POLN: variants seen among roughly 807,000 people sequenced by gnomAD.
The protein encoded by POLN is DNA polymerase nu.
POLN carries 108 observed loss-of-function variants against 113.5 expected under a neutral mutation model. The ratio of observed to expected loss-of-function variants is 0.95; its 90% CI spans 0.81 to 1.12. POLN has a LOEUF of 1.12. Ranked by LOEUF, POLN falls within the 50% of genes most tolerant of loss-of-function variation. The probability of loss-of-function intolerance (pLI) is 0.00; values close to 1 mark genes in which losing one functional copy is unlikely to be tolerated. For synonymous variants in POLN, 386 were observed against 391.5 expected, an observed-to-expected ratio of 0.99 and a Z score of 0.17; for missense variants, 1,097 against 1,077.1, an observed-to-expected ratio of 1.02 and a Z score of -0.26.
At chr4:2,129,074 AAAG>A in intron 18 of POLN, 102 bp downstream of exon 18, 37 of 821,322 alleles carry the variant, frequency 4.5e-5, no homozygotes, top group South Asian at 2.2e-4. Context: ...AAAAAAAAAA[AAAG>A]AATTTATTTG....
chr4:2,135,361 C>T (rs1731829041), intron 16 of POLN, among the ~76,000 whole-genome samples: 1 of 152,154 alleles, frequency 6.6e-6, no homozygotes, highest in Non-Finnish European at 1.5e-5. Flanking sequence ...GATATCAGCC[C>T]GTGCCAAGCT....
intron 7 of POLN, among the ~76,000 whole-genome samples, chr4:2,181,522 T>A (rs1417080805): frequency 7.2e-6 from 1 of 138,052 alleles, no homozygotes; most frequent in Non-Finnish European, 1.5e-5. Context: ...AATAAAATTT[T>A]AAAAAATCTA....
chr4:2,080,336 G>A (rs1273089048), intron 23 of POLN: 42 of 1,003,878 alleles, frequency 4.2e-5, no homozygotes, highest in Non-Finnish European at 4.7e-5. Context: ...AGGCCTGAGA[G>A]AGCTGTGGCC....
intron 4 of POLN, among the ~76,000 whole-genome samples, chr4:2,211,946 G>T (rs1391685901): frequency 6.6e-6 from 1 of 152,078 alleles, no homozygotes; most frequent in African/African-American, 2.4e-5. Context: ...TTCATTTACA[G>T]AGGGAAGAAG....
intron 7 of POLN, among the ~76,000 whole-genome samples, chr4:2,190,116 A>G (rs758279355): frequency 3.9e-5 from 6 of 152,142 alleles, no homozygotes; most frequent in Non-Finnish European, 8.8e-5. Context: ...ATGAGCAAAA[A>G]CAACAAAGCT....
At chr4:2,239,738 C>T (rs1734902450) in intron 2 of POLN, among the ~76,000 whole-genome samples, 1 of 152,176 alleles carries the variant, frequency 6.6e-6, no homozygotes, top group Non-Finnish European at 1.5e-5. Context: ...AAAAGAAAAT[C>T]TCAGTCCAGT....
At chr4:2,214,745 A>G (rs1012438822) in intron 3 of POLN, among the ~76,000 whole-genome samples, 13 of 152,102 alleles carry the variant, frequency 8.5e-5, no homozygotes, top group African/African-American at 2.4e-4. Context: ...GGGTGGAGAA[A>G]GTGACCCACA....
At chr4:2,080,709 G>A in intron 23 of POLN, 11 of 1,393,112 alleles carry the variant, frequency 7.9e-6, no homozygotes, top group Non-Finnish European at 1.0e-5. Context: ...CCGAGGAGGA[G>A]GGGTCTGGGG....
chr4:2,146,737 A>C (rs1023477913), intron 16 of POLN, among the ~76,000 whole-genome samples: 1 of 152,202 alleles, frequency 6.6e-6, no homozygotes, highest in African/African-American at 2.4e-5. Flanking sequence ...CAGGCCAAGA[A>C]AGCTGGGCTT....
chr4:2,214,146 G>T (rs1450581034), intron 3 of POLN, among the ~76,000 whole-genome samples: 1 of 152,114 alleles, frequency 6.6e-6, no homozygotes, highest in African/African-American at 2.4e-5. Flanking sequence ...TGAGGCAGGA[G>T]AATTGCTTGA....
chr4:2,205,067 A>ATAG (rs2108762618), intron 5 of POLN, among the ~76,000 whole-genome samples: 1 of 152,326 alleles, frequency 6.6e-6, no homozygotes, highest in African/African-American at 2.4e-5. Context: ...TCCTTTCAAT[A>ATAG]TAGTATTGGA....
intron 3 of POLN, among the ~76,000 whole-genome samples, chr4:2,221,680 A>C (rs1315229527): frequency 6.6e-6 from 1 of 152,052 alleles, no homozygotes; most frequent in Non-Finnish European, 1.5e-5. Context: ...GGTTCAAGGG[A>C]TTCTCCTGCC....
intron 20 of POLN, chr4:2,090,072 T>G: frequency 2.2e-6 from 2 of 912,024 alleles, no homozygotes; most frequent in Non-Finnish European, 3.5e-6. Flanking sequence ...ATTTTCCTAC[T>G]GAGCTAGAAA....
At chr4:2,241,015 C>G (rs1734967618) in intron 2 of POLN, 2 of 1,234,138 alleles carry the variant, frequency 1.6e-6, no homozygotes, top group African/African-American at 3.1e-5. Context: ...AAAATAAATC[C>G]AAGCAGAAAA....
chr4:2,100,738 A>G (rs1392263859), intron 19 of POLN, among the ~76,000 whole-genome samples: 1 of 152,244 alleles, frequency 6.6e-6, no homozygotes, highest in African/African-American at 2.4e-5. Flanking sequence ...GCAGGAGTAA[A>G]AATAGATAAA....
At chr4:2,109,171 G>A (rs1018476724) in intron 19 of POLN, among the ~76,000 whole-genome samples, 1 of 152,202 alleles carries the variant, frequency 6.6e-6, no homozygotes, top group Admixed American at 6.5e-5. Flanking sequence ...CATTTAGGAG[G>A]AAATGATTGA....
intron 7 of POLN, among the ~76,000 whole-genome samples, chr4:2,180,411 G>C (rs188648131): frequency 1.3e-5 from 2 of 152,126 alleles, no homozygotes; most frequent in Non-Finnish European, 2.9e-5. Context: ...TAAGGAGTTT[G>C]CCTTTAAATA....
At chr4:2,156,512 G>C (rs757036782) in intron 16 of POLN, 3 of 576,748 alleles carry the variant, frequency 5.2e-6, no homozygotes, top group South Asian at 1.5e-5. Context: ...TGAAAAGGAA[G>C]ATGGGGTACG....
At chr4:2,236,241 A>C in intron 2 of POLN, 1 of 1,609,344 alleles carries the variant, frequency 6.2e-7, no homozygotes, top group Non-Finnish European at 8.5e-7. Context: ...ATCACTAAGC[A>C]AAAGCTGATT....
Sources: gnomAD v4.1 joint callset for allele counts (sites outside exome capture counted in the v4.1 genomes callset) on GRCh38, gnomAD v4.1.1 for gene constraint, MANE v1.5 for transcripts, NCBI Gene and HGNC (gene_info 2026-07-23, HGNC 2026-07-21) for gene names.